The following L3MBTL4 variants were observed in gnomAD, a reference collection of about 807,000 sequenced individuals.
L3MBTL4 encodes the protein lethal(3)malignant brain tumor-like protein 4.
Under a neutral mutation model 84.5 loss-of-function variants are expected in L3MBTL4, and 70 were observed. The ratio of observed to expected loss-of-function variants is 0.83; its 90% CI spans 0.68 to 1.01. The LOEUF is 1.01. L3MBTL4 is among the 50% of genes least tolerant of loss of function. The pLI, the probability that L3MBTL4 is intolerant of heterozygous loss-of-function variation, is 0.00. For synonymous variants in L3MBTL4, 274 were observed against 259.8 expected, an observed-to-expected ratio of 1.05 and a Z score of -0.52; for missense variants, 715 against 754.8, an observed-to-expected ratio of 0.95 and a Z score of 0.62.
chr18:6,402,383 T>C (rs900334202), intron 1 of L3MBTL4, among the ~76,000 whole-genome samples: 1 of 152,188 alleles, frequency 6.6e-6, no homozygotes, highest in South Asian at 2.1e-4. Context: ...AGAAATAATA[T>C]AAGCATCTAT....
intron 4 of L3MBTL4, among the ~76,000 whole-genome samples, chr18:6,295,342 CTCTCTATATATA>C (rs1464591388): frequency 7.7e-5 from 9 of 117,108 alleles, no homozygotes; most frequent in Non-Finnish European, 1.2e-4. Flanking sequence ...CTCTCTCTCT[CTCTCTATATATA>C]TATATATATA....
intron 3 of L3MBTL4, among the ~76,000 whole-genome samples, chr18:6,307,962 T>C (rs1277943494): frequency 6.6e-6 from 1 of 152,228 alleles, no homozygotes; most frequent in Non-Finnish European, 1.5e-5. Flanking sequence ...TTTCACAGCC[T>C]GTATATTATT....
chr18:6,359,722 G>A (rs2053599161), intron 1 of L3MBTL4, among the ~76,000 whole-genome samples: 1 of 152,066 alleles, frequency 6.6e-6, no homozygotes, highest in Non-Finnish European at 1.5e-5. Context: ...GCACTCTGTT[G>A]AAGTACTAGG....
intron 12 of L3MBTL4, among the ~76,000 whole-genome samples, chr18:6,190,143 C>A (rs143723172): frequency 2.0e-4 from 30 of 152,140 alleles, no homozygotes; most frequent in African/African-American, 7.2e-4. Context: ...ATAAAAAGCA[C>A]GAAAAGAAAC....
intron 13 of L3MBTL4, among the ~76,000 whole-genome samples, chr18:6,159,301 T>G (rs1356714552): frequency 6.6e-6 from 1 of 152,180 alleles, no homozygotes; most frequent in Non-Finnish European, 1.5e-5. Context: ...CATCTGATTA[T>G]AAAAGTGCAT....
intron 12 of L3MBTL4, among the ~76,000 whole-genome samples, chr18:6,180,923 C>T (rs1230134496): frequency 1.3e-5 from 2 of 152,156 alleles, no homozygotes; most frequent in African/African-American, 4.8e-5. Context: ...TATGTACACG[C>T]AATGGAATAT....
chr18:6,043,916 A>T (rs1049026870), intron 16 of L3MBTL4, among the ~76,000 whole-genome samples: 11 of 152,226 alleles, frequency 7.2e-5, no homozygotes, highest in African/African-American at 2.7e-4. Flanking sequence ...CCCCTAAAAA[A>T]TCATGCACTT....
At chr18:6,337,795 A>C (rs2052414787) in intron 1 of L3MBTL4, among the ~76,000 whole-genome samples, 2 of 152,220 alleles carry the variant, frequency 1.3e-5, no homozygotes, top group African/African-American at 2.4e-5. Flanking sequence ...AGCTCTATAA[A>C]CCCTAAGTAA....
intron 4 of L3MBTL4, among the ~76,000 whole-genome samples, chr18:6,291,092 T>C (rs577426829): frequency 1.3e-5 from 2 of 152,332 alleles, no homozygotes; most frequent in South Asian, 2.1e-4. Context: ...TTTCACGTTG[T>C]AGACAGCTTT....
chr18:6,409,014 A>T (rs1376603310), intron 1 of L3MBTL4, among the ~76,000 whole-genome samples: 1 of 152,018 alleles, frequency 6.6e-6, no homozygotes, highest in Non-Finnish European at 1.5e-5. Context: ...TGGAAGTGAG[A>T]CCAAAAGAAC....
chr18:6,187,059 A>G (rs1299702440), intron 12 of L3MBTL4, among the ~76,000 whole-genome samples: 1 of 152,182 alleles, frequency 6.6e-6, no homozygotes, highest in Non-Finnish European at 1.5e-5. Context: ...CAACAATTCT[A>G]TGCTTTCTGT....
chr18:5,998,365 A>G (rs540267673), intron 16 of L3MBTL4, among the ~76,000 whole-genome samples: 3 of 152,304 alleles, frequency 2.0e-5, no homozygotes, highest in African/African-American at 7.2e-5. Context: ...AGATGGGAGA[A>G]AACAAGGCTA....
At chr18:6,282,870 A>G (rs773170180) in intron 4 of L3MBTL4, among the ~76,000 whole-genome samples, 3 of 152,090 alleles carry the variant, frequency 2.0e-5, no homozygotes, top group Non-Finnish European at 4.4e-5. Flanking sequence ...ACAGATGAGA[A>G]ATGTTCCAGA....
intron 1 of L3MBTL4, among the ~76,000 whole-genome samples, chr18:6,339,042 A>G (rs915416804): frequency 6.6e-6 from 1 of 152,168 alleles, no homozygotes; most frequent in Non-Finnish European, 1.5e-5. Flanking sequence ...AAATGAACAA[A>G]CCCACAAATA....
At chr18:6,233,950 T>C (rs2047105100) in intron 10 of L3MBTL4, among the ~76,000 whole-genome samples, 1 of 152,192 alleles carries the variant, frequency 6.6e-6, no homozygotes, top group African/African-American at 2.4e-5. Context: ...AACAGCATGG[T>C]ACTGGTACCA....
rs747308533 is a variant in L3MBTL4 at position 6,244,476 on chromosome 18, C to T, written c.324+8G>A. The T allele has an allele frequency of 3.4e-5, 54 of 1,578,376 alleles. No individual in the cohort carries two copies. The South Asian group carries it at 3.7e-4, about 11-fold the overall frequency. ...CAATTAGCCCAAGACAGTAACACCA[C>T]CTCTTACCTCCGCTACAGAAAGCAC... is the stretch of plus-strand genomic sequence containing the variant. On this transcript the variant is annotated splice_region_variant and intron_variant, in intron 6 of 18. Coordinates refer to ENST00000317931, the MANE Select transcript of L3MBTL4 (RefSeq NM_001330559.2).
intron 17 of L3MBTL4, among the ~76,000 whole-genome samples, chr18:5,961,439 G>C (rs1376227588): frequency 6.6e-6 from 1 of 152,216 alleles, no homozygotes; most frequent in African/African-American, 2.4e-5. Flanking sequence ...GCTATATTTA[G>C]TCTGTGCAAA....
intron 13 of L3MBTL4, among the ~76,000 whole-genome samples, chr18:6,139,123 G>A (rs149657304): frequency 1.3e-5 from 2 of 152,096 alleles, no homozygotes; most frequent in East Asian, 1.9e-4. Context: ...CTATACTACT[G>A]CTCTACTGTA....
chr18:5,990,235 T>C (rs1028223443), intron 16 of L3MBTL4, among the ~76,000 whole-genome samples: 1 of 152,226 alleles, frequency 6.6e-6, no homozygotes, highest in African/African-American at 2.4e-5. Context: ...CGATTTTCCA[T>C]ACTTGCCACA....
Sources: gnomAD v4.1 joint callset for allele counts (sites outside exome capture counted in the v4.1 genomes callset) on GRCh38, gnomAD v4.1.1 for gene constraint, MANE v1.5 for transcripts, NCBI Gene and HGNC (gene_info 2026-07-23, HGNC 2026-07-21) for gene names.